Variants in SMIM19 observed in about 807,000 individuals in gnomAD.
SMIM19 encodes UPF0697 protein C8orf40.
In SMIM19, 6 loss-of-function variants were observed where a neutral mutation model predicts 13.2. That is an observed-to-expected ratio of 0.45 (90% CI 0.25 to 0.90). The LOEUF (loss-of-function observed/expected upper bound fraction) is 0.90. SMIM19 is among the 40% of genes least tolerant of loss of function. The probability of loss-of-function intolerance (pLI) is 0.19; values close to 1 mark genes in which losing one functional copy is unlikely to be tolerated. For missense variants in SMIM19, 138 were observed against 131.0 expected (o/e 1.05, Z -0.26); for synonymous variants, 46 against 43.1 (o/e 1.07, Z -0.27).
chr8:42,544,383 C>T (rs1056933851), intron 1 of SMIM19, among the ~76,000 whole-genome samples: 2 of 150,788 alleles, frequency 1.3e-5, no homozygotes, highest in Non-Finnish European at 2.9e-5. Context: ...TGCATTCCAG[C>T]CTGGGTGACA....
At chr8:42,543,881 T>C (rs1418710787) in intron 1 of SMIM19, among the ~76,000 whole-genome samples, 2 of 152,178 alleles carry the variant, frequency 1.3e-5, no homozygotes, top group African/African-American at 4.8e-5. Context: ...CTGCAGCATC[T>C]CAAATCAGAC....
At position 42,541,892 on chromosome 8, in the gene SMIM19, C is replaced by T. The variant is rs915076906; in HGVS notation, c.-486C>T. ...GTCCCGGCGCGGAGCCCCTCGGCGTCGCGTGGAGCTGCGAGTCGCCCGCTT... is the reference window on the plus strand; with the variant it reads ...GTCCCGGCGCGGAGCCCCTCGGCGTTGCGTGGAGCTGCGAGTCGCCCGCTT... On this transcript the variant is annotated 5_prime_UTR_variant, in exon 1 of 4. Transcript: ENST00000417410. 69 of 152,224 alleles carry T rather than the reference C, an allele frequency of 4.5e-4. No individual in the cohort carries two copies. Among genetic ancestry groups the T allele is most frequent in the African/African-American group, 1.6e-3 (67 of 41,554 alleles). 9.4% of individuals were successfully genotyped at this position (152,224 alleles called of 1,614,324 possible).
chr8:42,541,434 G>C (rs1813144309), upstream of SMIM19: 1 of 147,162 alleles, frequency 6.8e-6, no homozygotes, highest in Admixed American at 6.7e-5. Context: ...TAGGGGAAAG[G>C]AGCCCGGCTC....
chr8:42,552,512 A>G (rs754782206), intron 3 of SMIM19, 32 bp from the exon 4 acceptor site: 2 of 1,610,614 alleles, frequency 1.2e-6, no homozygotes, highest in Non-Finnish European at 1.7e-6. Flanking sequence ...AGTTTTATTA[A>G]TTTTATCTCT....
intron 3 of SMIM19, 76 bp from the exon 4 acceptor site, chr8:42,552,468 G>A: frequency 7.0e-7 from 1 of 1,424,594 alleles, no homozygotes; most frequent in Non-Finnish European, 9.8e-7. Flanking sequence ...TGACTTGACT[G>A]TAATGTAATA....
At chr8:42,543,377 T>G (rs1813347046) in intron 1 of SMIM19, among the ~76,000 whole-genome samples, 1 of 152,176 alleles carries the variant, frequency 6.6e-6, no homozygotes, top group African/African-American at 2.4e-5. Flanking sequence ...TGATCATGAT[T>G]GAGGACTGGG....
chr8:42,552,443 C>T, intron 3 of SMIM19, 101 bp from the exon 4 acceptor site: 1 of 1,288,578 alleles, frequency 7.8e-7, no homozygotes, highest in East Asian at 2.5e-5. Flanking sequence ...AAAACTAATT[C>T]TTCATTGAGA....
intron 3 of SMIM19, among the ~76,000 whole-genome samples, chr8:42,550,651 G>A (rs1813644790): frequency 6.6e-6 from 1 of 152,144 alleles, no homozygotes; most frequent in African/African-American, 2.4e-5. Context: ...ATCTGATTAT[G>A]TTGGGCAGAT....
chr8:42,552,619 A>G lies in SMIM19; in HGVS notation c.*11A>G. The G allele has an allele frequency of 3.7e-6, 6 of 1,613,898 alleles. 1 individual carries two copies. Among genetic ancestry groups the G allele is most frequent in the South Asian group, 2.2e-5 (2 of 91,032 alleles). ...CTCTCATTGGAATGAAACCTCAGAAAAAGAGCAACAGAAGTAATTGTTTCA... is the reference window on the plus strand; with the variant it reads ...CTCTCATTGGAATGAAACCTCAGAAGAAGAGCAACAGAAGTAATTGTTTCA... On this transcript the variant is annotated 3_prime_UTR_variant, in exon 4 of 4. Coordinates refer to ENST00000417410, the MANE Select transcript of SMIM19 (RefSeq NM_001135674.2).
At chr8:42,548,504 C>T (rs778848017) in intron 2 of SMIM19, 152 bp from the exon 3 acceptor site, 1 of 932,316 alleles carries the variant, frequency 1.1e-6, no homozygotes, top group South Asian at 1.4e-5. Context: ...TACTTTGAGC[C>T]AAGGAAGCAG....
chr8:42,543,072 C>A (rs1813326661), intron 1 of SMIM19, among the ~76,000 whole-genome samples: 2 of 151,948 alleles, frequency 1.3e-5, no homozygotes. Flanking sequence ...TTTATATACT[C>A]TTGTTTACTT....
intron 3 of SMIM19, among the ~76,000 whole-genome samples, chr8:42,549,499 A>G (rs1413291342): frequency 1.3e-5 from 2 of 152,208 alleles, no homozygotes; most frequent in Non-Finnish European, 2.9e-5. Flanking sequence ...CAGTCACAAC[A>G]GGACAAATAT....
At position 42,548,740 on chromosome 8, in the gene SMIM19, C is replaced by T. The variant is rs749769084; in HGVS notation, c.219C>T (p.Ser73=). 3 of 1,613,862 alleles carry T rather than the reference C, an allele frequency of 1.9e-6. No individual in the cohort carries two copies. In the Admixed American group the frequency reaches 5.0e-5, roughly 27 times the overall value. The part of the protein sequence containing the change: ...LSEPNFYDTI[S]KIRLRQQLEM... ...AGCCCAACTTTTATGACACGATAAG[C>T]AAGATTCGTTTAAGACAACAACTGG... Residue 73 remains serine, a synonymous_variant, in exon 3 of 4, where the codon AGC becomes AGT. Coordinates refer to ENST00000417410, the MANE Select transcript of SMIM19 (RefSeq NM_001135674.2).
In SMIM19 at chr8:42,550,205, T is replaced by C. The variant is rs183255791; in HGVS notation, c.259+1425T>C. ...CAAAAGTTATTTGCTGTCAGTAATA[T>C]GCTCAGTAACATAGCAGATACATTA... On this transcript the variant is annotated intron_variant, in intron 3 of 3. Coordinates refer to ENST00000417410, the MANE Select transcript of SMIM19 (RefSeq NM_001135674.2). Among the ~76,000 whole-genome samples the C allele has an allele frequency of 2.0e-5, 3 of 152,346 alleles. No homozygotes were observed. In the East Asian group the frequency reaches 5.8e-4, roughly 29 times the overall value.
In SMIM19 at chr8:42,553,564, A is replaced by G. The variant is rs761659595; in HGVS notation, c.*956A>G. ...TATCTTTTCCCATGCTGTACTGTAC[A>G]ATGAAATGTTTTTACCTAATTTTTC... On this transcript the variant is annotated 3_prime_UTR_variant, in exon 4 of 4. Transcript: ENST00000417410. 6.6e-6 allele frequency: 1 copy of G among 152,242 alleles called. No homozygotes were observed. The highest frequency in any genetic ancestry group is 1.5e-5 in the Non-Finnish European group (1 of 68,044). 9.4% of individuals were successfully genotyped at this position (152,242 alleles called of 1,614,324 possible).
At position 42,554,103 on chromosome 8, in the gene SMIM19, T is replaced by C. The variant is rs1813753344; in HGVS notation, c.*1495T>C. On this transcript the variant is annotated 3_prime_UTR_variant, in exon 4 of 4. Coordinates refer to ENST00000417410, the MANE Select transcript of SMIM19 (RefSeq NM_001135674.2). ...GACCAAATAAAATCATTCAGGGAAA[T>C]TGCATTTACTTTTAAAAATGTGTTG... The C allele has an allele frequency of 6.6e-6, 1 of 152,160 alleles. No homozygotes were observed. The highest frequency in any genetic ancestry group is 6.5e-5 in the Admixed American group (1 of 15,270). 9.4% of individuals were successfully genotyped at this position (152,160 alleles called of 1,614,324 possible). A position where few individuals can be genotyped will look rare whatever the true frequency, so the allele number is the denominator to read the frequency against.
chr8:42,546,856 G>A (rs1813507623), intron 2 of SMIM19, among the ~76,000 whole-genome samples: 2 of 151,730 alleles, frequency 1.3e-5, no homozygotes, highest in Non-Finnish European at 2.9e-5. Flanking sequence ...GGTGGTGCGT[G>A]CCTGTAATCC....
At chr8:42,544,099 A>G (rs1273509919) in intron 1 of SMIM19, among the ~76,000 whole-genome samples, 3 of 152,228 alleles carry the variant, frequency 2.0e-5, no homozygotes, top group Admixed American at 1.3e-4. Context: ...TTTGAGGAAT[A>G]AGAATTGAAA....
intron 1 of SMIM19, 187 bp downstream of exon 1, chr8:42,542,560 C>A: frequency 2.5e-6 from 2 of 791,044 alleles, no homozygotes; most frequent in Non-Finnish European, 1.5e-6. Flanking sequence ...ATTCAAGGCA[C>A]GATGACAAGC....
Sources: gnomAD v4.1 joint callset for allele counts (sites outside exome capture counted in the v4.1 genomes callset) on GRCh38, gnomAD v4.1.1 for gene constraint, MANE v1.5 for transcripts, NCBI Gene and HGNC (gene_info 2026-07-23, HGNC 2026-07-21) for gene names.